CRMP1: variants seen among roughly 807,000 people sequenced by gnomAD.
The protein encoded by CRMP1 is collapsin response mediator protein 1.
In CRMP1, 19 loss-of-function variants were observed where a neutral mutation model predicts 68.3. That is an observed-to-expected ratio of 0.28 (90% CI 0.19 to 0.41). The LOEUF (loss-of-function observed/expected upper bound fraction) is 0.41. CRMP1 is among the 10% of genes least tolerant of loss of function. The pLI is 1.00. For synonymous variants in CRMP1, 439 were observed against 399.6 expected (o/e 1.10, Z -1.18); for missense variants, 791 against 967.4 (o/e 0.82, Z 2.42).
rs544103210 is a variant in CRMP1 at position 5,842,201 on chromosome 4, T to G, written c.1033-773A>C. On this transcript the variant is annotated intron_variant, in intron 7 of 13. Coordinates refer to ENST00000324989, the MANE Select transcript of CRMP1 (RefSeq NM_001014809.3). This position sits in a 1 kb window ranked among gnomAD's most constrained non-coding sequence, Gnocchi z 4.5. ...TGCAGTGAGCCAAGATGGCGCCACT[T>G]CACTCCAGCCTGGGCGACAGAGCGA... 6.6e-5 allele frequency among the ~76,000 whole-genome samples: 10 copies of G among 151,222 alleles called. No individual in the cohort carries two copies. Among genetic ancestry groups the G allele is most frequent in the Middle Eastern group, 3.4e-3 (1 of 290 alleles).
rs546855349 is a variant in CRMP1 at position 5,843,403 on chromosome 4, C to T, written c.964-242G>A. 2.6e-5 allele frequency among the ~76,000 whole-genome samples: 4 copies of T among 152,162 alleles called. No individual in the cohort carries two copies. The highest frequency in any genetic ancestry group is 2.1e-4 in the South Asian group (1 of 4,798). ...TGCACCTGCTTTATATTGAATCTCC[C>T]GGGATCAATGAGAGGAAGCAGGGTT... On this transcript the variant is annotated intron_variant, in intron 6 of 13. Transcript: ENST00000324989. The surrounding 1 kb of genome is among the most constrained non-coding windows in gnomAD (Gnocchi z 4.1).
At chr4:5,878,941 A>C (rs894650294) in intron 1 of CRMP1, among the ~76,000 whole-genome samples, 2 of 151,936 alleles carry the variant, frequency 1.3e-5, no homozygotes, top group African/African-American at 4.8e-5. Flanking sequence ...GAACTGTTCT[A>C]ATACCTACCT....
intron 9 of CRMP1, 50 bp from the exon 10 acceptor site, chr4:5,836,956 G>C: frequency 6.5e-7 from 1 of 1,546,492 alleles, no homozygotes; most frequent in Non-Finnish European, 8.7e-7. Context: ...CATTTTGAAG[G>C]CAAATCCTGA....
In CRMP1 at chr4:5,834,142, C is replaced by T. The variant is rs1279977959; in HGVS notation, c.1623+1773G>A. Among the ~76,000 whole-genome samples the T allele has an allele frequency of 2.0e-5, 3 of 152,226 alleles. No homozygotes were observed. Among genetic ancestry groups the T allele is most frequent in the East Asian group, 1.9e-4 (1 of 5,202 alleles). Reference sequence around the variant, plus strand: ...TTTGACTGGCTGACACAGACATTCACGTTCCTTTCTAGATAAGGATCACCT... The same window carrying T: ...TTTGACTGGCTGACACAGACATTCATGTTCCTTTCTAGATAAGGATCACCT... On this transcript the variant is annotated intron_variant, in intron 11 of 13. Transcript: ENST00000324989. The surrounding 1 kb of genome is among the most constrained non-coding windows in gnomAD (Gnocchi z 4.3).
At position 5,866,879 on chromosome 4, in the gene CRMP1, G is replaced by A. The variant is rs1256298397; in HGVS notation, c.382-123C>T. 3.8e-5 allele frequency: 23 copies of A among 611,880 alleles called. No individual in the cohort carries two copies. The highest frequency in any genetic ancestry group is 5.0e-5 in the Non-Finnish European group (18 of 359,624). The allele number at this position is 611,880 out of a possible 1,614,324, so 37.9% of individuals were successfully genotyped here. A position where few individuals can be genotyped will look rare whatever the true frequency, so the allele number is the denominator to read the frequency against. Reference sequence around the variant, plus strand: ...AAAGTAAAGGCATTTAACTTCCCCCGCCCCAGATCCATCACCAGCTTCAAT... The same window carrying A: ...AAAGTAAAGGCATTTAACTTCCCCCACCCCAGATCCATCACCAGCTTCAAT... On this transcript the variant is annotated intron_variant, in intron 1 of 13. Coordinates refer to ENST00000324989, the MANE Select transcript of CRMP1 (RefSeq NM_001014809.3). This position sits in a 1 kb window ranked among gnomAD's most constrained non-coding sequence, Gnocchi z 5.9.
Position 5,854,200 on chromosome 4 carries a change from ACT to A in CRMP1, c.820+1941_820+1942del, listed in dbSNP as rs556146658. Among the ~76,000 whole-genome samples the A allele has an allele frequency of 1.9e-3, 296 of 152,292 alleles. 1 individual carries two copies. The highest frequency in any genetic ancestry group is 6.8e-3 in the African/African-American group (283 of 41,552). ...AGACTGTCAATTTCCTTGGATTATG[ACT>A]CTGTTATGTAGTTGCAGTGAATCAC... On this transcript the variant is annotated intron_variant, in intron 4 of 13. Transcript: ENST00000324989. This position sits in a 1 kb window ranked among gnomAD's most constrained non-coding sequence, Gnocchi z 4.0.
intron 11 of CRMP1, among the ~76,000 whole-genome samples, chr4:5,829,947 A>G (rs1055087725): frequency 1.3e-5 from 2 of 152,242 alleles, no homozygotes; most frequent in Non-Finnish European, 2.9e-5. Flanking sequence ...CCTCCAAAAA[A>G]GACAACACTA....
chr4:5,830,508 T>C (rs983883152), intron 11 of CRMP1, among the ~76,000 whole-genome samples: 2 of 152,218 alleles, frequency 1.3e-5, no homozygotes, highest in African/African-American at 2.4e-5. Context: ...CTTTGAACCA[T>C]GGTTTGATTT....
At chr4:5,863,672 C>G (rs1009589719) in intron 2 of CRMP1, among the ~76,000 whole-genome samples, 1 of 152,148 alleles carries the variant, frequency 6.6e-6, no homozygotes, top group African/African-American at 2.4e-5. Context: ...GCACTAGATT[C>G]ACCAAGGCTG....
rs1183976617 is a variant in CRMP1, at chr4:5,838,001, AGAGT to A, written c.1311-1099_1311-1096del. ...GCGAATGGGGCACATGGGCGCTGTT[AGAGT>A]GAGTGTCAGGGATTCAACCAAAGCA... On this transcript the variant is annotated intron_variant, in intron 9 of 13. Transcript: ENST00000324989. This position sits in a 1 kb window ranked among gnomAD's most constrained non-coding sequence, Gnocchi z 4.9. Among the ~76,000 whole-genome samples, 2 of 152,134 alleles carry A rather than the reference AGAGT, an allele frequency of 1.3e-5. No individual in the cohort carries two copies. The highest frequency in any genetic ancestry group is 4.8e-5 in the African/African-American group (2 of 41,448).
chr4:5,874,631 G>T (rs917889406), intron 1 of CRMP1, among the ~76,000 whole-genome samples: 1 of 152,040 alleles, frequency 6.6e-6, no homozygotes, highest in Non-Finnish European at 1.5e-5. Flanking sequence ...GGAGGCAACA[G>T]ACAAGAGGCA....
At chr4:5,863,400 G>T (rs1262612724) in intron 2 of CRMP1, among the ~76,000 whole-genome samples, 1 of 152,156 alleles carries the variant, frequency 6.6e-6, no homozygotes, top group Non-Finnish European at 1.5e-5. Flanking sequence ...TTCAAGCCCA[G>T]GTCTCCCCAA....
chr4:5,853,882 G>C lies in CRMP1; in HGVS notation c.820+2261C>G, dbSNP rs773579726. ...ACTTATATGTGGAATCTAAAAAGTT[G>C]ATTTCATAGAAGCATACAAAGTTGA... On this transcript the variant is annotated intron_variant, in intron 4 of 13. Transcript: ENST00000324989. This position sits in a 1 kb window ranked among gnomAD's most constrained non-coding sequence, Gnocchi z 4.7. 6.6e-6 allele frequency among the ~76,000 whole-genome samples: 1 copy of C among 152,248 alleles called. No individual in the cohort carries two copies.
At chr4:5,829,987 T>C (rs1184592853) in intron 11 of CRMP1, among the ~76,000 whole-genome samples, 1 of 152,192 alleles carries the variant, frequency 6.6e-6, no homozygotes, top group African/African-American at 2.4e-5. Flanking sequence ...CTCCGTGAGC[T>C]TACCTGACAG....
At chr4:5,875,255 C>T (rs2152472257) in intron 1 of CRMP1, among the ~76,000 whole-genome samples, 1 of 152,318 alleles carries the variant, frequency 6.6e-6, no homozygotes, top group South Asian at 2.1e-4. Flanking sequence ...AGTGAATGTT[C>T]TGCATCACTG....
At position 5,877,230 on chromosome 4, in the gene CRMP1, A is replaced by G. The variant is rs917748061; in HGVS notation, c.382-10474T>C. Reference sequence around the variant, plus strand: ...ATCTACCACCCACAAACCTATTGCCATAAATAAATATTGGTTGCTGTAAGG... The same window carrying G: ...ATCTACCACCCACAAACCTATTGCCGTAAATAAATATTGGTTGCTGTAAGG... On this transcript the variant is annotated intron_variant, in intron 1 of 13. Coordinates refer to ENST00000324989, the MANE Select transcript of CRMP1 (RefSeq NM_001014809.3). This position sits in a 1 kb window ranked among gnomAD's most constrained non-coding sequence, Gnocchi z 4.3. 1.6e-4 allele frequency among the ~76,000 whole-genome samples: 24 copies of G among 152,362 alleles called. No individual in the cohort carries two copies. Among genetic ancestry groups the G allele is most frequent in the African/African-American group, 5.3e-4 (22 of 41,576 alleles).
chr4:5,824,142 A>G (rs1719151803), intron 13 of CRMP1: 1 of 240,066 alleles, frequency 4.2e-6, no homozygotes, highest in Non-Finnish European at 6.7e-6. Context: ...GTCCATGTTT[A>G]ATTGCAATTG....
intron 2 of CRMP1, among the ~76,000 whole-genome samples, chr4:5,863,365 ACAGCAAGT>A (rs1713733206): frequency 6.6e-6 from 1 of 152,162 alleles, no homozygotes; most frequent in Non-Finnish European, 1.5e-5. Flanking sequence ...CCAAGGCCAC[ACAGCAAGT>A]CAGTGATGGG....
intron 1 of CRMP1, among the ~76,000 whole-genome samples, chr4:5,882,414 T>C (rs1715277291): frequency 6.6e-6 from 1 of 152,208 alleles, no homozygotes; most frequent in Admixed American, 6.5e-5. Context: ...AATAAGTGTA[T>C]ATTGTTGACA....
Sources: allele counts gnomAD v4.1 joint callset (sites outside exome capture counted in the v4.1 genomes callset), GRCh38; gene constraint gnomAD v4.1.1; non-coding constraint Gnocchi (gnomAD v3.1); transcripts MANE v1.5; gene names NCBI Gene and HGNC (gene_info 2026-07-23, HGNC 2026-07-21).